The following CIRBP variants were observed in gnomAD, a reference collection of about 807,000 sequenced individuals.
CIRBP encodes the protein cold inducible RNA binding protein, also known as cold-inducible RNA-binding protein.
In CIRBP, 11 loss-of-function variants were observed where a neutral mutation model predicts 22.3. The ratio of observed to expected loss-of-function variants is 0.49; its 90% CI spans 0.31 to 0.82. CIRBP has a LOEUF of 0.82. Ranked by LOEUF, CIRBP falls within the 40% of genes least tolerant of loss-of-function variation. The probability of loss-of-function intolerance (pLI) is 0.05; values close to 1 mark genes in which losing one functional copy is unlikely to be tolerated. For missense variants in CIRBP, 456 were observed against 402.7 expected, an observed-to-expected ratio of 1.13 and a Z score of -1.13; for synonymous variants, 216 against 158.8, an observed-to-expected ratio of 1.36 and a Z score of -2.71.
In CIRBP at chr19:1,272,474, A is replaced by G. The variant is rs2081359669; in HGVS notation, c.*31A>G. ...CTTCCTGCTCAAGATCGTCCTTCCA[A>G]TGGCTGTGTGTTTAAAGATTGTGGG... On this transcript the variant is annotated 3_prime_UTR_variant, in exon 6 of 6. Coordinates refer to ENST00000587896, the MANE Select transcript of CIRBP (RefSeq NM_001300829.2). 1 of 1,491,548 alleles carries G rather than the reference A, an allele frequency of 6.7e-7. No individual in the cohort carries two copies. The highest frequency in any genetic ancestry group is 1.4e-5 in the African/African-American group (1 of 71,090). 92.4% of individuals were successfully genotyped at this position (1,491,548 alleles called of 1,614,324 possible). A position where few individuals can be genotyped will look rare whatever the true frequency, so the allele number is the denominator to read the frequency against.
Position 1,272,363 on chromosome 19 carries a change from T to G in CIRBP, c.814T>G (p.Ser272Ala), listed in dbSNP as rs1406456525. 1 of 1,608,952 alleles carries G rather than the reference T, an allele frequency of 6.2e-7. No homozygotes were observed. Among genetic ancestry groups the G allele is most frequent in the Non-Finnish European group, 8.5e-7 (1 of 1,178,098 alleles). Residue 272 changes from serine to alanine, a missense_variant, in exon 6 of 6, where the codon TCT becomes GCT. By Grantham distance (99) the Ser-to-Ala change is moderately conservative. Transcript: ENST00000587896. ...CCGCAGGCCGCGCCCTGGTCTGGCC[T>G]CTGGGGTGAAGCTGCCTCTTGTTGC... Reference protein sequence around the residue: ...PGRRPRPGLASGVKLPLVASV... With the variant: ...PGRRPRPGLAAGVKLPLVASV...
Position 1,272,085 on chromosome 19 carries a change from G to T in CIRBP, c.536G>T (p.Trp179Leu), listed in dbSNP as rs372805481. ...KSHSEGATLL[W>L]PAVGARFTLV... ...CACTCCGAGGGCGCCACGCTGCTGT[G>T]GCCTGCGGTGGGAGCTCGGTTCACC... Residue 179 changes from tryptophan (W) to leucine (L), a missense_variant, in exon 6 of 6, where the codon TGG becomes TTG. Physicochemically the swap from Trp to Leu is moderately conservative, Grantham distance 61. Around this residue, in one of 2 missense-constraint regions of CIRBP, gnomAD observed 426 missense variants for 339.6 expected, o/e 1.25. Coordinates refer to ENST00000587896, the MANE Select transcript of CIRBP (RefSeq NM_001300829.2). 12 of 1,614,090 alleles carry T rather than the reference G, an allele frequency of 7.4e-6. No homozygotes were observed. The highest frequency in any genetic ancestry group is 1.0e-5 in the Non-Finnish European group (12 of 1,180,032).
rs1911601618 is a variant in CIRBP, at chr19:1,274,593, C to T, written c.*2150C>T. ...TGCAGGGCAGCGCCTCCCGGGAGCG[C>T]CGGGTCCCCCGCCTGGAGCCCGCGC... On this transcript the variant is annotated 3_prime_UTR_variant, in exon 6 of 6. Coordinates refer to ENST00000587896, the MANE Select transcript of CIRBP (RefSeq NM_001300829.2). 3 of 327,848 alleles carry T rather than the reference C, an allele frequency of 9.2e-6. No individual in the cohort carries two copies. The highest frequency in any genetic ancestry group is 1.7e-5 in the Non-Finnish European group (3 of 181,388). 20.3% of individuals were successfully genotyped at this position (327,848 alleles called of 1,614,324 possible).
rs767963460 is a variant in CIRBP, at chr19:1,274,317, C to G, written c.*1874C>G. On this transcript the variant is annotated 3_prime_UTR_variant, in exon 6 of 6. Transcript: ENST00000587896. ...GCTTTGCTTTGGCAGGTTGAAGGGG[C>G]CCGGCCAGGACTCGGGGAAGGGTGG... The G allele has an allele frequency of 7.5e-6, 3 of 401,320 alleles. No individual in the cohort carries two copies. Among genetic ancestry groups the G allele is most frequent in the East Asian group, 3.6e-5 (1 of 28,080 alleles). The allele number at this position is 401,320 out of a possible 1,614,324, so 24.9% of individuals were successfully genotyped here.
chr19:1,273,925 C>T lies in CIRBP; in HGVS notation c.*1482C>T, dbSNP rs866085986. The T allele has an allele frequency of 1.4e-4, 26 of 184,258 alleles. No individual in the cohort carries two copies. Among genetic ancestry groups the T allele is most frequent in the African/African-American group, 4.7e-4 (20 of 42,660 alleles). The allele number at this position is 184,258 out of a possible 1,614,324, so 11.4% of individuals were successfully genotyped here. A position where few individuals can be genotyped will look rare whatever the true frequency, so the allele number is the denominator to read the frequency against. ...GCAGCCTGGGCCCAGTCATGCCTGGCTCATAGATGAAATCCCTTAAGCAGG... is the reference window on the plus strand; with the variant it reads ...GCAGCCTGGGCCCAGTCATGCCTGGTTCATAGATGAAATCCCTTAAGCAGG... On this transcript the variant is annotated 3_prime_UTR_variant, in exon 6 of 6. Transcript: ENST00000587896.
At position 1,273,116 on chromosome 19, in the gene CIRBP, C is replaced by G. The variant is rs761520102; in HGVS notation, c.*673C>G. ...TTGTATTTGCAGTGGCTGAGGAATT[C>G]TTGTACGCAGTTTTCTTTGGCTTTA... On this transcript the variant is annotated 3_prime_UTR_variant, in exon 6 of 6. Coordinates refer to ENST00000587896, the MANE Select transcript of CIRBP (RefSeq NM_001300829.2). 1 of 152,266 alleles carries G rather than the reference C, an allele frequency of 6.6e-6. No homozygotes were observed. The highest frequency in any genetic ancestry group is 1.5e-5 in the Non-Finnish European group (1 of 68,052). The allele number at this position is 152,266 out of a possible 1,614,324, so 9.4% of individuals were successfully genotyped here.
At chr19:1,270,260 T>TA (rs2081316599) in intron 1 of CIRBP, 1 of 383,942 alleles carries the variant, frequency 2.6e-6, no homozygotes, top group African/African-American at 2.1e-5. Context: ...GGAGGCATTT[T>TA]ACAGTGAGCA....
chr19:1,269,763 C>T (rs988346873), intron 1 of CIRBP: 2 of 447,702 alleles, frequency 4.5e-6, no homozygotes, highest in Admixed American at 2.3e-5. Context: ...CGCCCCCGGT[C>T]TCCAGGGCCG....
At position 1,273,959 on chromosome 19, in the gene CIRBP, C is replaced by T. The variant is rs2081382787; in HGVS notation, c.*1516C>T. 9.4e-6 allele frequency: 2 copies of T among 211,842 alleles called. No individual in the cohort carries two copies. The highest frequency in any genetic ancestry group is 1.9e-5 in the Non-Finnish European group (2 of 107,672). The allele number at this position is 211,842 out of a possible 1,614,324, so 13.1% of individuals were successfully genotyped here. On this transcript the variant is annotated 3_prime_UTR_variant, in exon 6 of 6. Coordinates refer to ENST00000587896, the MANE Select transcript of CIRBP (RefSeq NM_001300829.2). ...GAAATCCCTTAAGCAGGATTGAAGA[C>T]CAGTGAACGCCCCCGCCTTTTGGAT...
In CIRBP at chr19:1,271,001, A is replaced by C. The variant is rs1415023574; in HGVS notation, c.68A>C (p.Glu23Ala). The change falls in exon 2 of 6, where the codon GAG becomes GCG. Residue 23 changes from glutamate (E) to alanine (A), a missense_variant. This residue lies in a region of CIRBP where 30 missense variants were observed against 63.1 expected (regional missense o/e 0.48). Coordinates refer to ENST00000587896, the MANE Select transcript of CIRBP (RefSeq NM_001300829.2). ...TTTGACACCAATGAGCAGTCGCTGG[A>C]GCAGGTCTTCTCAAAGTACGGACAG... ...LSFDTNEQSL[E>A]QVFSKYGQIS... The C allele has an allele frequency of 6.2e-7, 1 of 1,613,896 alleles. No homozygotes were observed. Among genetic ancestry groups the C allele is most frequent in the Non-Finnish European group, 8.5e-7 (1 of 1,180,022 alleles).
At position 1,272,317 on chromosome 19, in the gene CIRBP, TG is replaced by T. The variant is rs745659807; in HGVS notation, c.774del (p.Trp259GlyfsTer16). ...GCCGCAGGCCAGCCTCCCTCGGCTG[TG>T]GGGGGTGGTTGCTCCCCGGCCGCAG... is the stretch of plus-strand genomic sequence containing the variant. ...CGRRPASLGC[G>X]GWLLPGRRPR... On this transcript the variant is annotated frameshift_variant, in exon 6 of 6. Coordinates refer to ENST00000587896, the MANE Select transcript of CIRBP (RefSeq NM_001300829.2). LOFTEE classifies it low-confidence loss of function (END_TRUNC). 3.1e-6 allele frequency: 5 copies of T among 1,613,686 alleles called. No homozygotes were observed. The highest frequency in any genetic ancestry group is 4.2e-6 in the Non-Finnish European group (5 of 1,179,904).
At position 1,271,390 on chromosome 19, in the gene CIRBP, G is replaced by A. The variant is rs757953303; in HGVS notation, c.272G>A (p.Arg91His). 23 of 1,613,766 alleles carry A rather than the reference G, an allele frequency of 1.4e-5. No homozygotes were observed. Among genetic ancestry groups the A allele is most frequent in the South Asian group, 1.1e-4 (10 of 91,086 alleles). ...GGCAAGTCGTCAGACAACCGATCCC[G>A]TGGGTACCGTGGTGGCTCTGCCGGG... ...QAGKSSDNRS[R>H]GYRGGSAGGR... Residue 91 changes from arginine (R) to histidine (H), a missense_variant, in exon 4 of 6, where the codon CGT (arginine) becomes CAT (histidine). By Grantham distance (29) the Arg-to-His change is conservative. Coordinates refer to ENST00000587896, the MANE Select transcript of CIRBP (RefSeq NM_001300829.2).
At chr19:1,270,082 G>T (rs1425807594) in intron 1 of CIRBP, 3 of 519,748 alleles carry the variant, frequency 5.8e-6, no homozygotes, top group Non-Finnish European at 1.2e-5. Context: ...TAAATAGCCA[G>T]TTCTCCTAAA....
chr19:1,270,047 T>A, intron 1 of CIRBP: 1 of 519,942 alleles, frequency 1.9e-6, no homozygotes, highest in Non-Finnish European at 3.8e-6. Flanking sequence ...GAATGCTTTG[T>A]CTGTGTCAGC....
chr19:1,271,068 CG>C (rs548308412), intron 2 of CIRBP, 32 bp downstream of exon 2: 9 of 1,609,704 alleles, frequency 5.6e-6, no homozygotes, highest in Non-Finnish European at 7.7e-6. Flanking sequence ...CGGCCCTGGG[CG>C]GGGGGGCTTG....
Position 1,272,473 on chromosome 19 carries a change from A to C in CIRBP, c.*30A>C, listed in dbSNP as rs1299476991. The C allele has an allele frequency of 1.3e-6, 2 of 1,493,764 alleles. No individual in the cohort carries two copies. The highest frequency in any genetic ancestry group is 2.8e-5 in the African/African-American group (2 of 71,154). 92.5% of individuals were successfully genotyped at this position (1,493,764 alleles called of 1,614,324 possible). ...CCTTCCTGCTCAAGATCGTCCTTCC[A>C]ATGGCTGTGTGTTTAAAGATTGTGG... On this transcript the variant is annotated 3_prime_UTR_variant, in exon 6 of 6. Transcript: ENST00000587896.
intron 1 of CIRBP, among the ~76,000 whole-genome samples, chr19:1,270,496 G>A (rs768817782): frequency 5.9e-5 from 9 of 152,148 alleles, no homozygotes; most frequent in Admixed American, 1.3e-4. Flanking sequence ...GGCTGGGTGC[G>A]GTGGCTCACA....
Position 1,274,199 on chromosome 19 carries a change from A to G in CIRBP, c.*1756A>G. On this transcript the variant is annotated 3_prime_UTR_variant, in exon 6 of 6. Transcript: ENST00000587896. ...CGGAGCCTGAGGTCACAGCCCCCTG[A>G]CTAGCCTGAGACCTTCCTAGGGGCT... 2.5e-6 allele frequency: 1 copy of G among 398,740 alleles called. No homozygotes were observed. The highest frequency in any genetic ancestry group is 4.4e-6 in the Non-Finnish European group (1 of 225,548). 24.7% of individuals were successfully genotyped at this position (398,740 alleles called of 1,614,324 possible). A position where few individuals can be genotyped will look rare whatever the true frequency, so the allele number is the denominator to read the frequency against.
At chr19:1,269,875 G>T in intron 1 of CIRBP, 1 of 519,736 alleles carries the variant, frequency 1.9e-6, no homozygotes, top group Admixed American at 1.9e-5. Context: ...GGGAAAGGAC[G>T]GCCTCGTAAA....
Sources: gnomAD v4.1 joint callset for allele counts (sites outside exome capture counted in the v4.1 genomes callset) on GRCh38, gnomAD v4.1.1 for gene constraint, gnomAD v4.1.1 regional missense constraint, MANE v1.5 for transcripts, NCBI Gene and HGNC (gene_info 2026-07-23, HGNC 2026-07-21) for gene names.